GPHN: variants seen among roughly 807,000 people sequenced by gnomAD.
GPHN encodes the protein gephyrin.
In GPHN, 17 loss-of-function variants were observed where a neutral mutation model predicts 95.5. The ratio of observed to expected loss-of-function variants is 0.18; its 90% CI spans 0.12 to 0.27. The LOEUF is 0.27. Among genes scored for constraint, GPHN ranks in the 10% least tolerant of loss-of-function variants. GPHN has a pLI of 1.00. For synonymous variants in GPHN, 320 were observed against 322.5 expected, an observed-to-expected ratio of 0.99 and a Z score of 0.08; for missense variants, 660 against 978.1, an observed-to-expected ratio of 0.67 and a Z score of 4.34.
intron 10 of GPHN, among the ~76,000 whole-genome samples, chr14:67,054,044 A>C (rs1455515986): frequency 6.6e-6 from 1 of 152,242 alleles, no homozygotes; most frequent in Non-Finnish European, 1.5e-5. Flanking sequence ...CCCCTTGAAA[A>C]TCAGCACAAG....
At chr14:67,236,599 T>C in the GPHN span, among the ~76,000 whole-genome samples, 2 of 152,218 alleles carry the variant, frequency 1.3e-5, no homozygotes, top group African/African-American at 4.8e-5. Flanking sequence ...ATTACACTGG[T>C]GCAGATAGTG....
intron 11 of GPHN, among the ~76,000 whole-genome samples, chr14:67,077,864 G>A (rs2076556997): frequency 6.6e-6 from 1 of 152,128 alleles, no homozygotes; most frequent in Non-Finnish European, 1.5e-5. Flanking sequence ...GTATCAGCCA[G>A]TCTTTTTCCA....
the GPHN span, chr14:67,224,744 T>A: frequency 7.6e-6 from 2 of 263,596 alleles, no homozygotes; most frequent in Non-Finnish European, 1.5e-5. Context: ...AAAAATCACA[T>A]AAAATATTGG....
the GPHN span, among the ~76,000 whole-genome samples, chr14:67,284,547 T>TA: frequency 0.023 from 529 of 23,286 alleles, 165 homozygotes; most frequent in Non-Finnish European, 0.036. Flanking sequence ...GCTGCAGTGC[T>TA]AAAAAAAAAA....
chr14:66,900,994 A>G (rs547556193), intron 5 of GPHN, among the ~76,000 whole-genome samples: 66 of 152,158 alleles, frequency 4.3e-4, no homozygotes, highest in Middle Eastern at 3.4e-3. Context: ...CTACTAATTT[A>G]CATTTCCACC....
the GPHN span, among the ~76,000 whole-genome samples, chr14:67,728,725 C>T: frequency 6.6e-6 from 1 of 151,764 alleles, no homozygotes; most frequent in African/African-American, 2.4e-5. Context: ...GTTAATCCCC[C>T]ACAATCTGCA....
Position 67,096,616 on chromosome 14 carries a change from C to CTTT in GPHN, c.1238-4225_1238-4223dup, listed in dbSNP as rs200466980. Reference sequence around the variant, plus strand: ...GTTATACAGAATTAATCAAAGCAGTCTTTTTTTTTTTTTTTTTGAGACAGG... The same window carrying CTTT: ...GTTATACAGAATTAATCAAAGCAGTCTTTTTTTTTTTTTTTTTTTTGAGACAGG... On this transcript the variant is annotated intron_variant, in intron 12 of 22. Transcript: ENST00000478722. Among the ~76,000 whole-genome samples the CTTT allele has an allele frequency of 1.2e-3, 156 of 134,726 alleles. 4 individuals carry two copies. Among genetic ancestry groups the CTTT allele is most frequent in the Non-Finnish European group, 3.7e-4 (23 of 62,036 alleles). The allele number at this position is 134,726 out of a possible 152,430, so 88.4% of individuals were successfully genotyped here.
the GPHN span, chr14:67,364,099 A>G: frequency 1.3e-5 from 2 of 152,338 alleles, no homozygotes; most frequent in East Asian, 1.9e-4. Context: ...AGGTATACCT[A>G]TTCAATAAAA....
the GPHN span, among the ~76,000 whole-genome samples, chr14:67,530,988 T>A: frequency 6.6e-6 from 1 of 152,250 alleles, no homozygotes; most frequent in South Asian, 2.1e-4. Flanking sequence ...CAAGTCCCCA[T>A]CCCGGCCTCA....
downstream of GPHN, among the ~76,000 whole-genome samples, chr14:67,185,784 G>A (rs1372203565): frequency 6.6e-6 from 1 of 152,102 alleles, no homozygotes; most frequent in Non-Finnish European, 1.5e-5. Flanking sequence ...ACAAAATTTT[G>A]TAGATCTAAC....
At chr14:67,213,040 C>A in the GPHN span, among the ~76,000 whole-genome samples, 1 of 150,664 alleles carries the variant, frequency 6.6e-6, no homozygotes, top group Admixed American at 6.6e-5. Flanking sequence ...ATGCTTAGGC[C>A]TCACCCCATC....
intron 1 of GPHN, among the ~76,000 whole-genome samples, chr14:66,661,434 C>T (rs975453390): frequency 5.3e-5 from 8 of 152,096 alleles, no homozygotes; most frequent in Admixed American, 5.2e-4. Context: ...GAGGGACCCT[C>T]AATCCAAATC....
the GPHN span, chr14:67,272,039 C>G: frequency 7.0e-6 from 1 of 143,272 alleles, no homozygotes; most frequent in African/African-American, 2.7e-5. Context: ...CCATTGCACT[C>G]AAACTGGACG....
At chr14:67,563,086 G>C in the GPHN span, among the ~76,000 whole-genome samples, 2 of 152,250 alleles carry the variant, frequency 1.3e-5, no homozygotes, top group Non-Finnish European at 2.9e-5. Context: ...AGAATGATGT[G>C]AATGGCGGTT....
At chr14:67,384,981 TTTGA>T in the GPHN span, 1 of 152,222 alleles carries the variant, frequency 6.6e-6, no homozygotes, top group Non-Finnish European at 1.5e-5. Flanking sequence ...AATTTTTTCT[TTTGA>T]TTTTGTTTAC....
At chr14:66,677,520 C>T (rs1344905725) in intron 1 of GPHN, among the ~76,000 whole-genome samples, 1 of 151,970 alleles carries the variant, frequency 6.6e-6, no homozygotes, top group East Asian at 1.9e-4. Flanking sequence ...ATAAGTTTCT[C>T]AGGGTCTTTT....
At chr14:66,773,717 A>AT (rs964839625) in intron 2 of GPHN, among the ~76,000 whole-genome samples, 4 of 152,066 alleles carry the variant, frequency 2.6e-5, no homozygotes, top group African/African-American at 9.7e-5. Context: ...GAACTTACAC[A>AT]TCACTGATGT....
At chr14:66,756,633 A>G (rs1262372811) in intron 2 of GPHN, among the ~76,000 whole-genome samples, 2 of 152,190 alleles carry the variant, frequency 1.3e-5, no homozygotes, top group East Asian at 1.9e-4. Context: ...CTGGACTTGA[A>G]TCATTTGTTT....
intron 1 of GPHN, among the ~76,000 whole-genome samples, chr14:66,616,240 T>A (rs1218609242): frequency 3.2e-5 from 3 of 95,056 alleles, no homozygotes; most frequent in Non-Finnish European, 5.2e-5. Flanking sequence ...CTATGAAGAA[T>A]GTCAATGATA....
Sources: allele counts gnomAD v4.1 joint callset (sites outside exome capture counted in the v4.1 genomes callset), GRCh38; gene constraint gnomAD v4.1.1; transcripts MANE v1.5; gene names NCBI Gene and HGNC (gene_info 2026-07-23, HGNC 2026-07-21).